TNFAIP8L3: variants seen among roughly 807,000 people sequenced by gnomAD.
The protein encoded by TNFAIP8L3 is tumor necrosis factor alpha-induced protein 8-like protein 3.
A neutral mutation model predicts 11.8 loss-of-function variants in TNFAIP8L3; 7 were observed. The observed-to-expected ratio is 0.59, with a 90% confidence interval of 0.34 to 1.11. The LOEUF (loss-of-function observed/expected upper bound fraction) is 1.11. Ranked by LOEUF, TNFAIP8L3 falls within the 50% of genes most tolerant of loss-of-function variation. TNFAIP8L3 has a pLI of 0.03. For missense variants in TNFAIP8L3, 219 were observed against 258.6 expected, an observed-to-expected ratio of 0.85 and a Z score of 1.05; for synonymous variants, 98 against 103.8, an observed-to-expected ratio of 0.94 and a Z score of 0.34.
intron 1 of TNFAIP8L3, among the ~76,000 whole-genome samples, chr15:51,087,413 C>A (rs1344651478): frequency 6.6e-6 from 1 of 152,202 alleles, no homozygotes; most frequent in African/African-American, 2.4e-5. Context: ...GATGTGTGTG[C>A]TCACTAGCAA....
chr15:51,079,868 AAAAAAAAAAAAG>A (rs1161277098), intron 1 of TNFAIP8L3, among the ~76,000 whole-genome samples: 13 of 151,294 alleles, frequency 8.6e-5, no homozygotes, highest in African/African-American at 3.2e-4. Context: ...AAAAAAAAAA[AAAAAAAAAAAAG>A]AAAGAAAGAA....
chr15:51,093,027 C>T (rs2065483625), intron 1 of TNFAIP8L3, among the ~76,000 whole-genome samples: 1 of 152,094 alleles, frequency 6.6e-6, no homozygotes, highest in Admixed American at 6.5e-5. Flanking sequence ...CTTGCGCTCT[C>T]GAAATAGATA....
Position 51,058,414 on chromosome 15 carries a change from C to G in TNFAIP8L3, c.82G>C (p.Ala28Pro). The G allele has an allele frequency of 6.2e-7, 1 of 1,603,098 alleles. No homozygotes were observed. Among genetic ancestry groups the G allele is most frequent in the Admixed American group, 1.7e-5 (1 of 58,592 alleles). ...GPDVFSSKSLALQAQKKILSK... is the reference protein window; with the variant it reads ...GPDVFSSKSLPLQAQKKILSK... ...AGAATCTTCTTCTGGGCTTGAAGCG[C>G]AAGACTCTTTGAACTAAAAACATCA... The change falls in exon 2 of 2, where the codon GCG (alanine) becomes CCG (proline). Residue 28 changes from alanine to proline, a missense_variant. Coordinates refer to ENST00000637513, the MANE Select transcript of TNFAIP8L3 (RefSeq NM_001311175.2).
upstream of TNFAIP8L3, among the ~76,000 whole-genome samples, chr15:51,095,488 C>T (rs1457908403): frequency 6.6e-6 from 1 of 152,042 alleles, no homozygotes; most frequent in Admixed American, 6.5e-5. Flanking sequence ...CTCGGTGAGT[C>T]TGAACACTGG....
At chr15:51,097,581 G>A (rs2065522502), upstream of TNFAIP8L3, among the ~76,000 whole-genome samples, 1 of 152,240 alleles carries the variant, frequency 6.6e-6, no homozygotes, top group Admixed American at 6.5e-5. Context: ...GGGGAAGAGA[G>A]ATCCAAACTA....
intron 1 of TNFAIP8L3, among the ~76,000 whole-genome samples, chr15:51,059,268 C>A (rs1004452722): frequency 1.3e-5 from 2 of 152,208 alleles, no homozygotes; most frequent in East Asian, 1.9e-4. Flanking sequence ...CTGTTATTTT[C>A]TACTTTATGA....
intron 1 of TNFAIP8L3, among the ~76,000 whole-genome samples, chr15:51,092,065 A>G (rs1377460209): frequency 6.6e-6 from 1 of 152,250 alleles, no homozygotes; most frequent in East Asian, 1.9e-4. Context: ...CATGAGGTGC[A>G]GACTGAAACT....
chr15:51,078,278 G>A (rs1475107760), intron 1 of TNFAIP8L3, among the ~76,000 whole-genome samples: 1 of 148,096 alleles, frequency 6.8e-6, no homozygotes, highest in East Asian at 2.0e-4. Context: ...GGGCATTTTC[G>A]GTTGTCACAA....
intron 1 of TNFAIP8L3, among the ~76,000 whole-genome samples, chr15:51,070,435 T>G (rs181925979): frequency 3.3e-5 from 5 of 152,372 alleles, no homozygotes; most frequent in African/African-American, 1.2e-4. Context: ...TTCCATGTGC[T>G]TTATGCACAG....
chr15:51,102,016 T>C (rs1447214013), intron 1 of TNFAIP8L3, among the ~76,000 whole-genome samples: 1 of 151,680 alleles, frequency 6.6e-6, no homozygotes, highest in East Asian at 1.9e-4. Context: ...TTAGACCTCA[T>C]TGATACAGAC....
chr15:51,065,018 C>G (rs1049158194), intron 1 of TNFAIP8L3, among the ~76,000 whole-genome samples: 7 of 152,148 alleles, frequency 4.6e-5, no homozygotes, highest in Non-Finnish European at 8.8e-5. Context: ...TTCTTTTAAC[C>G]ATGTTTGAAC....
In TNFAIP8L3 at chr15:51,070,722, T is replaced by A. The variant is rs556014247; in HGVS notation, c.53-12279A>T. Reference sequence around the variant, plus strand: ...TTCTGAATTATTGCCCACTTTAAGATGGAGATTGAGCAGTATTTTTCCCTC... The same window carrying A: ...TTCTGAATTATTGCCCACTTTAAGAAGGAGATTGAGCAGTATTTTTCCCTC... On this transcript the variant is annotated intron_variant, in intron 1 of 1. Transcript: ENST00000637513. Among the ~76,000 whole-genome samples the A allele has an allele frequency of 6.6e-5, 10 of 152,184 alleles. No individual in the cohort carries two copies. The South Asian group carries it at 2.1e-3, about 32-fold the overall frequency.
chr15:51,096,465 T>A (rs1483959467), upstream of TNFAIP8L3, among the ~76,000 whole-genome samples: 1 of 152,156 alleles, frequency 6.6e-6, no homozygotes, highest in African/African-American at 2.4e-5. Flanking sequence ...AATGAAATAA[T>A]GAGTATGAAA....
chr15:51,084,380 A>G (rs1156446747), intron 1 of TNFAIP8L3, among the ~76,000 whole-genome samples: 1 of 152,230 alleles, frequency 6.6e-6, no homozygotes, highest in Non-Finnish European at 1.5e-5. Flanking sequence ...GTATTTAATC[A>G]TTCCATAAAT....
At chr15:51,096,210 T>C (rs1248759854), upstream of TNFAIP8L3, among the ~76,000 whole-genome samples, 5 of 152,238 alleles carry the variant, frequency 3.3e-5, no homozygotes, top group Non-Finnish European at 4.4e-5. Context: ...TTTTGGCTTC[T>C]GGTCTACCTG....
intron 1 of TNFAIP8L3, among the ~76,000 whole-genome samples, chr15:51,088,478 TA>T (rs2065445311): frequency 6.6e-6 from 1 of 152,150 alleles, no homozygotes; most frequent in African/African-American, 2.4e-5. Context: ...CTCTCCCCAA[TA>T]TGGCTACAAA....
At chr15:51,090,085 T>C (rs1174034023) in intron 1 of TNFAIP8L3, among the ~76,000 whole-genome samples, 1 of 152,182 alleles carries the variant, frequency 6.6e-6, no homozygotes, top group Non-Finnish European at 1.5e-5. Flanking sequence ...GAAAAGAATC[T>C]TTACCCCAAA....
chr15:51,077,271 C>G (rs2065358900), intron 1 of TNFAIP8L3, among the ~76,000 whole-genome samples: 2 of 152,212 alleles, frequency 1.3e-5, no homozygotes, highest in East Asian at 3.9e-4. Context: ...GCCTCAGTGC[C>G]CACAGACCAA....
chr15:51,070,972 A>G (rs992930944), intron 1 of TNFAIP8L3, among the ~76,000 whole-genome samples: 1 of 138,408 alleles, frequency 7.2e-6, no homozygotes, highest in African/African-American at 2.6e-5. Flanking sequence ...AATGGCGTGA[A>G]CCCGGGAGGT....
Sources: allele counts gnomAD v4.1 joint callset (sites outside exome capture counted in the v4.1 genomes callset), GRCh38; gene constraint gnomAD v4.1.1; transcripts MANE v1.5; gene names NCBI Gene and HGNC (gene_info 2026-07-23, HGNC 2026-07-21).